TOP6BL: variants seen among roughly 807,000 people sequenced by gnomAD.
TOP6BL encodes the protein type 2 DNA topoisomerase 6 subunit B-like.
the TOP6BL span, among the ~76,000 whole-genome samples, chr11:66,772,743 C>T: frequency 6.6e-6 from 1 of 152,204 alleles, no homozygotes; most frequent in African/African-American, 2.4e-5. Context: ...GCACTCCAGC[C>T]TGTATTGTTA....
At chr11:66,799,967 A>G in the TOP6BL span, among the ~76,000 whole-genome samples, 41 of 151,628 alleles carry the variant, frequency 2.7e-4, no homozygotes, top group Non-Finnish European at 5.0e-4. Context: ...TGTGGTCCCA[A>G]CTACTCAGGA....
chr11:66,835,448 A>T, the TOP6BL span, among the ~76,000 whole-genome samples: 1 of 152,236 alleles, frequency 6.6e-6, no homozygotes, highest in Admixed American at 6.5e-5. Context: ...CATAAAATTT[A>T]CCACTTTAAA....
At chr11:66,838,158 G>A in the TOP6BL span, among the ~76,000 whole-genome samples, 16 of 152,264 alleles carry the variant, frequency 1.1e-4, no homozygotes, top group East Asian at 2.3e-3. Context: ...AGGATGTGCC[G>A]TGAATGGCCA....
chr11:66,762,539 G>C, the TOP6BL span: 1 of 193,102 alleles, frequency 5.2e-6, no homozygotes, highest in Non-Finnish European at 1.0e-5. Context: ...GCGAGATCTT[G>C]GTTCACTGCA....
At chr11:66,833,767 G>A in the TOP6BL span, among the ~76,000 whole-genome samples, 1 of 151,908 alleles carries the variant, frequency 6.6e-6, no homozygotes, top group African/African-American at 2.4e-5. Flanking sequence ...GGCAAACATG[G>A]CAAAATTCCG....
the TOP6BL span, among the ~76,000 whole-genome samples, chr11:66,764,767 T>C: frequency 1.1e-4 from 17 of 151,656 alleles, no homozygotes; most frequent in Non-Finnish European, 2.1e-4. Flanking sequence ...TGCTCGAGCC[T>C]TGGGCAGCAT....
At chr11:66,843,432 G>C in the TOP6BL span, 1 of 1,390,314 alleles carries the variant, frequency 7.2e-7, no homozygotes. Context: ...TGCGTCACTG[G>C]TGCGCGCCGC....
the TOP6BL span, among the ~76,000 whole-genome samples, chr11:66,830,037 A>G: frequency 6.6e-6 from 1 of 152,242 alleles, no homozygotes; most frequent in Admixed American, 6.5e-5. Context: ...AGTCAGAACA[A>G]TGCTTTCAAT....
the TOP6BL span, among the ~76,000 whole-genome samples, chr11:66,785,075 C>T: frequency 6.6e-6 from 1 of 151,566 alleles, no homozygotes; most frequent in Non-Finnish European, 1.5e-5. Flanking sequence ...CCTGCCTCAG[C>T]CTCCCAAGTA....
chr11:66,805,821 CTT>C, the TOP6BL span, among the ~76,000 whole-genome samples: 2 of 152,052 alleles, frequency 1.3e-5, no homozygotes, highest in Admixed American at 6.6e-5. Context: ...CTGCACAACT[CTT>C]TGAATATTCT....
the TOP6BL span, among the ~76,000 whole-genome samples, chr11:66,793,447 T>G: frequency 2.4e-3 from 347 of 145,140 alleles, 2 homozygotes; most frequent in African/African-American, 8.0e-3. Context: ...TTTTTTTGTT[T>G]TTTTTTTTTT....
chr11:66,837,631 G>A, the TOP6BL span, among the ~76,000 whole-genome samples: 1 of 151,164 alleles, frequency 6.6e-6, no homozygotes, highest in Admixed American at 6.6e-5. Context: ...TTTTAGTACA[G>A]GCGGAGTTTC....
the TOP6BL span, among the ~76,000 whole-genome samples, chr11:66,745,499 G>A: frequency 3.0e-4 from 46 of 152,336 alleles, 1 homozygote; most frequent in South Asian, 5.6e-3. Flanking sequence ...GGCACTGAGC[G>A]CCTGGCGCCG....
At chr11:66,813,903 G>A in the TOP6BL span, 2 of 1,613,880 alleles carry the variant, frequency 1.2e-6, no homozygotes, top group Non-Finnish European at 1.7e-6. Context: ...CTCTGATATT[G>A]TCAACTTGGG....
At chr11:66,745,519 C>G in the TOP6BL span, among the ~76,000 whole-genome samples, 2 of 152,216 alleles carry the variant, frequency 1.3e-5, no homozygotes, top group Non-Finnish European at 2.9e-5. Flanking sequence ...GGCCACGCCC[C>G]GTGTGCTCAT....
the TOP6BL span, chr11:66,744,806 C>G: frequency 1.6e-6 from 2 of 1,259,024 alleles, no homozygotes; most frequent in Non-Finnish European, 2.0e-6. Context: ...GTTCCAAGCC[C>G]GGGCTGAGGA....
At chr11:66,774,034 A>G in the TOP6BL span, among the ~76,000 whole-genome samples, 1 of 152,088 alleles carries the variant, frequency 6.6e-6, no homozygotes, top group Non-Finnish European at 1.5e-5. Flanking sequence ...CAGCCTATAT[A>G]ATTTCTTTAA....
At chr11:66,834,733 A>G in the TOP6BL span, among the ~76,000 whole-genome samples, 1 of 152,076 alleles carries the variant, frequency 6.6e-6, no homozygotes, top group Non-Finnish European at 1.5e-5. Context: ...TGCAGTGACT[A>G]TTCATAGGTG....
the TOP6BL span, chr11:66,744,821 G>T: frequency 9.4e-7 from 1 of 1,064,532 alleles, no homozygotes; most frequent in Non-Finnish European, 1.2e-6. Context: ...TGAGGAGGGG[G>T]CGGCGGCGGC....
Sources: gnomAD v4.1 joint callset for allele counts (sites outside exome capture counted in the v4.1 genomes callset) on GRCh38, gnomAD v4.1.1 for gene constraint, MANE v1.5 for transcripts, NCBI Gene and HGNC (gene_info 2026-07-23, HGNC 2026-07-21) for gene names.